The following LRMDA variants were observed in gnomAD, a reference collection of about 807,000 sequenced individuals.
The protein encoded by LRMDA is leucine rich melanocyte differentiation associated.
LRMDA carries 18 observed loss-of-function variants against 29.8 expected under a neutral mutation model. The ratio of observed to expected loss-of-function variants is 0.60; its 90% CI spans 0.42 to 0.90. The LOEUF is 0.90. Among genes scored for constraint, LRMDA ranks in the 40% least tolerant of loss-of-function variants. The pLI is 0.00. For synonymous variants in LRMDA, 125 were observed against 109.4 expected, an observed-to-expected ratio of 1.14 and a Z score of -0.89; for missense variants, 273 against 273.9, an observed-to-expected ratio of 1.00 and a Z score of 0.02.
At chr10:75,967,769 G>C (rs918136361) in intron 2 of LRMDA, among the ~76,000 whole-genome samples, 1 of 152,018 alleles carries the variant, frequency 6.6e-6, no homozygotes, top group South Asian at 2.1e-4. Flanking sequence ...GGGAGGCGGC[G>C]GGCAGGGGTG....
At chr10:76,221,115 C>T (rs1473073922) in intron 5 of LRMDA, among the ~76,000 whole-genome samples, 4 of 151,938 alleles carry the variant, frequency 2.6e-5, no homozygotes, top group Admixed American at 1.3e-4. Context: ...ATTGATGGGA[C>T]GTATCTCAAA....
rs1201422991 is a variant in LRMDA, at chr10:75,680,099, C to T, written c.131+241605C>T. Among the ~76,000 whole-genome samples the T allele has an allele frequency of 3.3e-5, 5 of 152,376 alleles. No homozygotes were observed. The East Asian group carries it at 9.6e-4, about 29-fold the overall frequency. On this transcript the variant is annotated intron_variant, in intron 2 of 6. Transcript: ENST00000611255. Reference sequence around the variant, plus strand: ...TGCCCCATTGCAAGGTGACTATAAACAGTTCTTAGGATTAGATGTGTCCTG... The same window carrying T: ...TGCCCCATTGCAAGGTGACTATAAATAGTTCTTAGGATTAGATGTGTCCTG...
chr10:75,846,177 TTGTGTGTGTGTGTG>T (rs59549881), intron 2 of LRMDA, among the ~76,000 whole-genome samples: 5 of 142,976 alleles, frequency 3.5e-5, no homozygotes, highest in African/African-American at 1.1e-4. Context: ...GTGTGTGTGT[TTGTGTGTGTGTGTG>T]TGTGTGTGTG....
intron 5 of LRMDA, among the ~76,000 whole-genome samples, chr10:76,211,188 A>G (rs915195578): frequency 2.0e-5 from 3 of 152,118 alleles, no homozygotes; most frequent in African/African-American, 7.2e-5. Flanking sequence ...GTCTGCACCT[A>G]TCAACATCCT....
chr10:75,534,136 A>T (rs1340626243), intron 2 of LRMDA, among the ~76,000 whole-genome samples: 2 of 152,158 alleles, frequency 1.3e-5, no homozygotes, highest in African/African-American at 4.8e-5. Context: ...AGCATAAGTT[A>T]GGTCTTTTAC....
chr10:76,448,933 C>A (rs1252568094), intron 6 of LRMDA, among the ~76,000 whole-genome samples: 2 of 151,826 alleles, frequency 1.3e-5, no homozygotes, highest in Non-Finnish European at 2.9e-5. Flanking sequence ...GTAGGTATAG[C>A]AGATGTTTAT....
At chr10:76,079,674 AT>A (rs1028016006) in intron 5 of LRMDA, among the ~76,000 whole-genome samples, 1 of 152,218 alleles carries the variant, frequency 6.6e-6, no homozygotes, top group African/African-American at 2.4e-5. Context: ...AAACAAGAAA[AT>A]AAGCAAAAGT....
intron 6 of LRMDA, among the ~76,000 whole-genome samples, chr10:76,418,381 A>G (rs1842038871): frequency 6.6e-6 from 1 of 151,684 alleles, no homozygotes; most frequent in Non-Finnish European, 1.5e-5. Flanking sequence ...AGTCTTGTAC[A>G]TATTTCATTA....
At chr10:75,710,260 G>A (rs1398518664) in intron 2 of LRMDA, among the ~76,000 whole-genome samples, 2 of 152,166 alleles carry the variant, frequency 1.3e-5, no homozygotes, top group Admixed American at 1.3e-4. Context: ...CTCCCAGCAG[G>A]CCCCAAAGTG....
chr10:75,661,770 T>C (rs554147546), intron 2 of LRMDA, among the ~76,000 whole-genome samples: 2 of 152,240 alleles, frequency 1.3e-5, no homozygotes, highest in Non-Finnish European at 2.9e-5. Context: ...AGAGTGAAAT[T>C]GAGACTTTAA....
At chr10:76,436,614 G>T (rs575409112) in intron 6 of LRMDA, among the ~76,000 whole-genome samples, 1 of 152,304 alleles carries the variant, frequency 6.6e-6, no homozygotes, top group South Asian at 2.1e-4. Flanking sequence ...GTTCCTATGC[G>T]GAGAGCATCG....
At chr10:75,551,883 T>TA (rs1304865333) in intron 2 of LRMDA, among the ~76,000 whole-genome samples, 8 of 151,598 alleles carry the variant, frequency 5.3e-5, no homozygotes, top group Admixed American at 1.3e-4. Context: ...TACAAAACAT[T>TA]AAAAAAAATA....
At chr10:76,294,067 G>A (rs1589414944) in intron 5 of LRMDA, among the ~76,000 whole-genome samples, 1 of 152,298 alleles carries the variant, frequency 6.6e-6, no homozygotes, top group East Asian at 1.9e-4. Flanking sequence ...GAGTTGACAA[G>A]CTGGGTGTTC....
chr10:76,028,345 C>G (rs1386045946), intron 2 of LRMDA, among the ~76,000 whole-genome samples: 1 of 152,082 alleles, frequency 6.6e-6, no homozygotes, highest in Non-Finnish European at 1.5e-5. Flanking sequence ...AAAGCTCTTT[C>G]CATGTTAAGG....
chr10:76,220,134 T>G (rs1851803175), intron 5 of LRMDA, among the ~76,000 whole-genome samples: 1 of 152,154 alleles, frequency 6.6e-6, no homozygotes, highest in Non-Finnish European at 1.5e-5. Context: ...ACAGGGAAAT[T>G]TATAGCACTA....
At chr10:75,628,144 G>C (rs1841276520) in intron 2 of LRMDA, among the ~76,000 whole-genome samples, 2 of 152,160 alleles carry the variant, frequency 1.3e-5, no homozygotes, top group African/African-American at 2.4e-5. Flanking sequence ...TGCTGTTATA[G>C]ATTTTCTTAT....
chr10:75,711,213 C>T (rs1280544730), intron 2 of LRMDA, among the ~76,000 whole-genome samples: 1 of 152,060 alleles, frequency 6.6e-6, no homozygotes, highest in Non-Finnish European at 1.5e-5. Context: ...ATGGGATGTG[C>T]CCATCTGTTG....
chr10:75,981,268 T>A (rs558589844), intron 2 of LRMDA, among the ~76,000 whole-genome samples: 2 of 152,216 alleles, frequency 1.3e-5, no homozygotes, highest in Admixed American at 1.3e-4. Context: ...TTGGAAGATA[T>A]GTTTTCTGGG....
At chr10:75,806,629 T>C (rs1830324002) in intron 2 of LRMDA, among the ~76,000 whole-genome samples, 1 of 151,694 alleles carries the variant, frequency 6.6e-6, no homozygotes, top group South Asian at 2.1e-4. Context: ...CATCTGTCTG[T>C]TAAAGTTCTT....
Sources: gnomAD v4.1 joint callset for allele counts (sites outside exome capture counted in the v4.1 genomes callset) on GRCh38, gnomAD v4.1.1 for gene constraint, MANE v1.5 for transcripts, NCBI Gene and HGNC (gene_info 2026-07-23, HGNC 2026-07-21) for gene names.